The following EXT1 variants were observed in gnomAD, a reference collection of about 807,000 sequenced individuals.
EXT1 encodes exostosin glycosyltransferase 1, also known as exostosin-1.
In EXT1, 20 loss-of-function variants were observed where a neutral mutation model predicts 82.5. The ratio of observed to expected loss-of-function variants is 0.24; its 90% confidence interval spans 0.17 to 0.35. The LOEUF (loss-of-function observed/expected upper bound fraction) is 0.35. EXT1 is among the 10% of genes least tolerant of loss of function. EXT1 has a pLI of 1.00. For synonymous variants in EXT1, 348 were observed against 350.8 expected, an observed-to-expected ratio of 0.99 and a Z score of 0.09; for missense variants, 757 against 936.5, an observed-to-expected ratio of 0.81 and a Z score of 2.50.
At chr8:118,006,588 T>C (rs113026764) in intron 1 of EXT1, among the ~76,000 whole-genome samples, 23 of 152,338 alleles carry the variant, frequency 1.5e-4, no homozygotes, top group Non-Finnish European at 2.9e-4. Flanking sequence ...GTGGAAAGAA[T>C]ATTAGAATAA....
intron 4 of EXT1, among the ~76,000 whole-genome samples, chr8:117,824,850 T>G (rs937560357): frequency 2.0e-5 from 3 of 152,036 alleles, no homozygotes; most frequent in Admixed American, 6.6e-5. Flanking sequence ...TCTTCTTCTT[T>G]TTCTTTTTTT....
intron 1 of EXT1, among the ~76,000 whole-genome samples, chr8:117,958,133 T>C (rs1186100074): frequency 6.6e-6 from 1 of 151,958 alleles, no homozygotes; most frequent in Non-Finnish European, 1.5e-5. Flanking sequence ...TTTTAATAAG[T>C]GCACTTTCTC....
rs1176417845 is a variant in EXT1, at chr8:117,830,375, A to T, written c.1165-26T>A. On this transcript the variant is annotated intron_variant, in intron 3 of 10. Coordinates refer to ENST00000378204, the MANE Select transcript of EXT1 (RefSeq NM_000127.3). ...CTGTAACACAAGGTGAACACATAGG[A>T]ATTATAACTGTAAAACAAAGAGATG... 1.9e-6 allele frequency: 3 copies of T among 1,611,790 alleles called. No individual in the cohort carries two copies. In the South Asian group the frequency reaches 3.3e-5, roughly 18 times the overall value.
intron 8 of EXT1, among the ~76,000 whole-genome samples, chr8:117,811,380 C>T (rs1049506930): frequency 7.2e-5 from 11 of 152,168 alleles, no homozygotes; most frequent in African/African-American, 2.7e-4. Context: ...AACATCCCTT[C>T]CTCCTGCCAA....
At chr8:117,939,441 C>T (rs759635509) in intron 1 of EXT1, among the ~76,000 whole-genome samples, 4 of 151,644 alleles carry the variant, frequency 2.6e-5, no homozygotes, top group South Asian at 2.1e-4. Flanking sequence ...TGGTGGTGCG[C>T]GCCTGTAATC....
At position 117,993,813 on chromosome 8, in the gene EXT1, G is replaced by A. The variant is rs565579861; in HGVS notation, c.962+116272C>T. Among the ~76,000 whole-genome samples the A allele has an allele frequency of 7.9e-5, 12 of 152,272 alleles. No individual in the cohort carries two copies. In the South Asian group the frequency reaches 1.7e-3, roughly 21 times the overall value. On this transcript the variant is annotated intron_variant, in intron 1 of 10. Coordinates refer to ENST00000378204, the MANE Select transcript of EXT1 (RefSeq NM_000127.3). ...ACTAAAAATGTCCTGGTTATCTTGC[G>A]GAGAATACTTCAGGAAAATGAGTAA...
intron 1 of EXT1, among the ~76,000 whole-genome samples, chr8:117,919,353 T>C (rs1490033357): frequency 6.6e-6 from 1 of 151,638 alleles, no homozygotes; most frequent in Non-Finnish European, 1.5e-5. Flanking sequence ...CACCAGGCTA[T>C]TTTTGTTGTT....
intron 1 of EXT1, among the ~76,000 whole-genome samples, chr8:118,041,361 A>G (rs901330245): frequency 6.6e-6 from 1 of 152,226 alleles, no homozygotes; most frequent in Non-Finnish European, 1.5e-5. Context: ...TGATTAATCC[A>G]TTTAAAATCC....
At chr8:117,806,315 T>C (rs1274380788) in intron 9 of EXT1, among the ~76,000 whole-genome samples, 1 of 152,210 alleles carries the variant, frequency 6.6e-6, no homozygotes, top group Non-Finnish European at 1.5e-5. Context: ...CCCTGTCACT[T>C]AGAGAAAAAG....
intron 1 of EXT1, among the ~76,000 whole-genome samples, chr8:117,907,009 G>A (rs1455354675): frequency 1.3e-5 from 2 of 150,742 alleles, no homozygotes; most frequent in Non-Finnish European, 2.9e-5. Flanking sequence ...CTCACCCCAC[G>A]AAATTAAGAT....
At chr8:118,033,607 T>C (rs1046020955) in intron 1 of EXT1, among the ~76,000 whole-genome samples, 1 of 152,026 alleles carries the variant, frequency 6.6e-6, no homozygotes, top group Non-Finnish European at 1.5e-5. Flanking sequence ...GCCTCTCAAT[T>C]AGCTGGAACT....
intron 1 of EXT1, among the ~76,000 whole-genome samples, chr8:117,916,982 G>A (rs1366644053): frequency 2.0e-5 from 3 of 152,038 alleles, no homozygotes; most frequent in Non-Finnish European, 4.4e-5. Context: ...GAAGGTAATA[G>A]ATAAGAAGAA....
chr8:118,098,866 A>T (rs1817667203), intron 1 of EXT1, among the ~76,000 whole-genome samples: 1 of 152,182 alleles, frequency 6.6e-6, no homozygotes, highest in Non-Finnish European at 1.5e-5. Context: ...AAAACCCAGA[A>T]ATCAGAGTTA....
intron 1 of EXT1, among the ~76,000 whole-genome samples, chr8:118,023,666 CTA>C (rs1206043300): frequency 1.3e-5 from 2 of 152,130 alleles, no homozygotes; most frequent in African/African-American, 2.4e-5. Context: ...GCTCCAAACT[CTA>C]TGTTTTCTTT....
At chr8:117,931,246 T>G (rs936140955) in intron 1 of EXT1, among the ~76,000 whole-genome samples, 8 of 152,200 alleles carry the variant, frequency 5.3e-5, no homozygotes, top group Non-Finnish European at 1.0e-4. Context: ...ATTCTTTCTC[T>G]CACAAGATCC....
chr8:117,994,236 C>G (rs1815491680), intron 1 of EXT1, among the ~76,000 whole-genome samples: 1 of 152,144 alleles, frequency 6.6e-6, no homozygotes, highest in South Asian at 2.1e-4. Flanking sequence ...ATAAGAAGTT[C>G]TATTGGGAGG....
At chr8:117,849,707 G>A (rs1322380087) in intron 1 of EXT1, among the ~76,000 whole-genome samples, 1 of 152,184 alleles carries the variant, frequency 6.6e-6, no homozygotes, top group Non-Finnish European at 1.5e-5. Context: ...AGATGTTTAT[G>A]TAAAGTGATA....
At chr8:117,937,341 C>T (rs926131072) in intron 1 of EXT1, among the ~76,000 whole-genome samples, 2 of 152,146 alleles carry the variant, frequency 1.3e-5, no homozygotes, top group African/African-American at 4.8e-5. Context: ...TTAATATAAT[C>T]GAGGACACAA....
chr8:118,027,660 C>G (rs17476483), intron 1 of EXT1, among the ~76,000 whole-genome samples: 2,019 of 152,314 alleles, frequency 0.013, 47 homozygotes, highest in African/African-American at 0.046. Context: ...GAGAAACCAT[C>G]TGCCCCAGCA....
Sources: allele counts gnomAD v4.1 joint callset (sites outside exome capture counted in the v4.1 genomes callset), GRCh38; gene constraint gnomAD v4.1.1; transcripts MANE v1.5; gene names NCBI Gene and HGNC (gene_info 2026-07-23, HGNC 2026-07-21).